AGAP1: variants seen among roughly 807,000 people sequenced by gnomAD.
AGAP1 encodes the protein ArfGAP with GTPase domain, ankyrin repeat and PH domain 1, also known as arf-GAP with GTPase, ANK repeat and PH domain-containing protein 1.
Under a neutral mutation model 105.3 loss-of-function variants are expected in AGAP1, and 29 were observed. That is an observed-to-expected ratio of 0.28 (90% confidence interval 0.21 to 0.38). The LOEUF is 0.38. Ranked by LOEUF, AGAP1 falls within the 10% of genes least tolerant of loss-of-function variation. The pLI is 1.00. For synonymous variants in AGAP1, 509 were observed against 485.9 expected, an observed-to-expected ratio of 1.05 and a Z score of -0.63; for missense variants, 998 against 1,165.1, an observed-to-expected ratio of 0.86 and a Z score of 2.09.
At chr2:236,110,393 C>CAAAA (rs11401711) in intron 16 of AGAP1, among the ~76,000 whole-genome samples, 10 of 145,170 alleles carry the variant, frequency 6.9e-5, no homozygotes, top group African/African-American at 2.5e-4. Flanking sequence ...CCCTTCTCTA[C>CAAAA]AAAAAAAAAA....
rs770933913 is a variant in AGAP1, at chr2:235,799,562, G to A, written c.957+40G>A. 9.4e-5 allele frequency: 150 copies of A among 1,604,078 alleles called. No individual in the cohort carries two copies. The highest frequency in any genetic ancestry group is 1.2e-4 in the Non-Finnish European group (136 of 1,172,428). ...TGGGTGGAGATTTGAATGCGATTCC[G>A]AAGCGTTCCCATTAACGTAAACCTG... On this transcript the variant is annotated intron_variant, in intron 8 of 17. Transcript: ENST00000304032. This position sits in a 1 kb window ranked among gnomAD's most constrained non-coding sequence, Gnocchi z 5.0.
intron 12 of AGAP1, among the ~76,000 whole-genome samples, chr2:235,954,239 CAAA>C (rs34138034): frequency 0.053 from 6,835 of 128,092 alleles, 524 homozygotes; most frequent in African/African-American, 0.18. Flanking sequence ...ACTCTGCCTC[CAAA>C]AAAAAAAAAA....
intron 8 of AGAP1, among the ~76,000 whole-genome samples, chr2:235,800,479 G>GA (rs1957444588): frequency 6.6e-6 from 1 of 151,806 alleles, no homozygotes; most frequent in African/African-American, 2.4e-5. Context: ...CAAAAATGCT[G>GA]CCAGCCTGTC....
In AGAP1 at chr2:236,044,941, G is replaced by C. The variant is rs576413877; in HGVS notation, c.1891+4100G>C. Among the ~76,000 whole-genome samples, 4 of 152,248 alleles carry C rather than the reference G, an allele frequency of 2.6e-5. No homozygotes were observed. The highest frequency in any genetic ancestry group is 9.6e-5 in the African/African-American group (4 of 41,558). ...GGATGGAGTGCAGCAGAAAGGGTAG[G>C]CTGCCTCTCGGGGCCTGTCCATGAT... is the stretch of plus-strand genomic sequence containing the variant. On this transcript the variant is annotated intron_variant, in intron 15 of 17. Coordinates refer to ENST00000304032, the MANE Select transcript of AGAP1 (RefSeq NM_001037131.3). This position sits in a 1 kb window ranked among gnomAD's most constrained non-coding sequence, Gnocchi z 5.7.
At position 235,712,598 on chromosome 2, in the gene AGAP1, G is replaced by A. The variant is rs1950908952; in HGVS notation, c.222+3361G>A. 6.6e-6 allele frequency among the ~76,000 whole-genome samples: 1 copy of A among 152,196 alleles called. No individual in the cohort carries two copies. Among genetic ancestry groups the A allele is most frequent in the African/African-American group, 2.4e-5 (1 of 41,440 alleles). Reference sequence around the variant, plus strand: ...TCAGCAAACCTCAGGGTTAGTGTGGGGCTCTGGAGAAATCAGTTTAGGAAG... The same window carrying A: ...TCAGCAAACCTCAGGGTTAGTGTGGAGCTCTGGAGAAATCAGTTTAGGAAG... On this transcript the variant is annotated intron_variant, in intron 2 of 17. Transcript: ENST00000304032. The surrounding 1 kb of genome is among the most constrained non-coding windows in gnomAD (Gnocchi z 6.0).
At chr2:236,017,292 CAAA>C (rs1202844758) in intron 13 of AGAP1, among the ~76,000 whole-genome samples, 6 of 104,478 alleles carry the variant, frequency 5.7e-5, no homozygotes, top group Non-Finnish European at 6.3e-5. Context: ...GACTCCATCT[CAAA>C]AAAAAAAAAA....
chr2:235,509,900 GTGTTA>G (rs1280959629), intron 1 of AGAP1, among the ~76,000 whole-genome samples: 16 of 152,076 alleles, frequency 1.1e-4, no homozygotes, highest in African/African-American at 3.6e-4. Flanking sequence ...CCTTTGCCTT[GTGTTA>G]CCCCCTGAGC....
Position 235,867,536 on chromosome 2 carries a change from A to AGTGTGTGTGT in AGAP1, c.1051-15779_1051-15770dup, listed in dbSNP as rs61257818. On this transcript the variant is annotated intron_variant, in intron 9 of 17. Coordinates refer to ENST00000304032, the MANE Select transcript of AGAP1 (RefSeq NM_001037131.3). The surrounding 1 kb of genome is among the most constrained non-coding windows in gnomAD (Gnocchi z 5.4). ...ATCATACACCTTATGCTGGTGCTGC[A>AGTGTGTGTGT]GTGTGTGTGTGTGTGTGTGTGTGTG... Among the ~76,000 whole-genome samples, 8,170 of 123,170 alleles carry AGTGTGTGTGT rather than the reference A, an allele frequency of 0.066. 328 individuals carry two copies. Among genetic ancestry groups the AGTGTGTGTGT allele is most frequent in the South Asian group, 0.12 (416 of 3,596 alleles). 80.8% of individuals were successfully genotyped at this position (123,170 alleles called of 152,430 possible).
intron 10 of AGAP1, among the ~76,000 whole-genome samples, chr2:235,884,663 A>G (rs1458346099): frequency 2.0e-5 from 3 of 152,104 alleles, no homozygotes; most frequent in Non-Finnish European, 4.4e-5. Context: ...CATGTTGGCC[A>G]GGCTGGTCTT....
chr2:235,852,337 A>G (rs1028153180), intron 9 of AGAP1, among the ~76,000 whole-genome samples: 1 of 152,176 alleles, frequency 6.6e-6, no homozygotes, highest in East Asian at 1.9e-4. Context: ...TTGCTTTTTA[A>G]TGCCAGCGCC....
chr2:235,538,262 T>G (rs1229197450), intron 1 of AGAP1, among the ~76,000 whole-genome samples: 1 of 152,176 alleles, frequency 6.6e-6, no homozygotes, highest in Non-Finnish European at 1.5e-5. Context: ...CAAGATTCGT[T>G]TTTGGCTAAG....
At chr2:235,644,326 G>C (rs991179505) in intron 1 of AGAP1, among the ~76,000 whole-genome samples, 5 of 152,186 alleles carry the variant, frequency 3.3e-5, no homozygotes, top group Non-Finnish European at 7.3e-5. Flanking sequence ...TCTCTGTCCC[G>C]TTCACTGTCA....
At chr2:235,926,386 C>T (rs1442257144) in intron 11 of AGAP1, among the ~76,000 whole-genome samples, 1 of 152,208 alleles carries the variant, frequency 6.6e-6, no homozygotes, top group East Asian at 1.9e-4. Context: ...GCACGAGATG[C>T]TCCATGGGCG....
At chr2:235,847,313 T>C (rs572462128) in intron 9 of AGAP1, among the ~76,000 whole-genome samples, 2 of 152,362 alleles carry the variant, frequency 1.3e-5, no homozygotes, top group Admixed American at 1.3e-4. Flanking sequence ...TTCTGGCTTT[T>C]GACTCTATCC....
rs1053327886 is a variant in AGAP1, at chr2:235,931,544, G to A, written c.1483+621G>A. ...TGTGGAGCGTGAATGACGCAGCACCGAGGGCACCCTGGTGGCTGCAGCAGG... is the reference window on the plus strand; with the variant it reads ...TGTGGAGCGTGAATGACGCAGCACCAAGGGCACCCTGGTGGCTGCAGCAGG... On this transcript the variant is annotated intron_variant, in intron 12 of 17. Coordinates refer to ENST00000304032, the MANE Select transcript of AGAP1 (RefSeq NM_001037131.3). This position sits in a 1 kb window ranked among gnomAD's most constrained non-coding sequence, Gnocchi z 5.6. Among the ~76,000 whole-genome samples the A allele has an allele frequency of 6.6e-6, 1 of 151,986 alleles. No homozygotes were observed. Among genetic ancestry groups the A allele is most frequent in the African/African-American group, 2.4e-5 (1 of 41,368 alleles).
intron 1 of AGAP1, among the ~76,000 whole-genome samples, chr2:235,527,680 T>A (rs1942893146): frequency 6.6e-6 from 1 of 152,202 alleles, no homozygotes. Context: ...GAGCTGCCGC[T>A]CCTGGCCTAC....
chr2:236,008,273 A>G (rs770737538), intron 13 of AGAP1, among the ~76,000 whole-genome samples: 24 of 152,200 alleles, frequency 1.6e-4, no homozygotes, highest in Non-Finnish European at 3.1e-4. Flanking sequence ...TATACCCAGA[A>G]GTAGGGGAAG....
intron 9 of AGAP1, among the ~76,000 whole-genome samples, chr2:235,863,429 C>A (rs1316025211): frequency 6.6e-6 from 1 of 152,224 alleles, no homozygotes; most frequent in Non-Finnish European, 1.5e-5. Flanking sequence ...CCCTACAGAA[C>A]CTTCAAAATC....
Position 235,845,812 on chromosome 2 carries a change from G to A in AGAP1, c.1051-37533G>A, listed in dbSNP as rs555051368. Among the ~76,000 whole-genome samples the A allele has an allele frequency of 9.9e-5, 15 of 151,834 alleles. No homozygotes were observed. Among genetic ancestry groups the A allele is most frequent in the South Asian group, 2.1e-4 (1 of 4,784 alleles). ...GAGCATCTGTCCCGTCGTGCCCTCC[G>A]AAGGAGTCATGCATGTGGTTTGGGG... On this transcript the variant is annotated intron_variant, in intron 9 of 17. Coordinates refer to ENST00000304032, the MANE Select transcript of AGAP1 (RefSeq NM_001037131.3). The surrounding 1 kb of genome is among the most constrained non-coding windows in gnomAD (Gnocchi z 4.8).
Sources: gnomAD v4.1 joint callset for allele counts (sites outside exome capture counted in the v4.1 genomes callset) on GRCh38, gnomAD v4.1.1 for gene constraint, Gnocchi (gnomAD v3.1) non-coding constraint, MANE v1.5 for transcripts, NCBI Gene and HGNC (gene_info 2026-07-23, HGNC 2026-07-21) for gene names.